TMEM38B: variants seen among roughly 807,000 people sequenced by gnomAD.
The protein encoded by TMEM38B is transmembrane protein 38B, also known as trimeric intracellular cation channel type B.
In TMEM38B, 24 loss-of-function variants were observed where a neutral mutation model predicts 28.7. The ratio of observed to expected loss-of-function variants is 0.84; its 90% confidence interval spans 0.61 to 1.18. The LOEUF (loss-of-function observed/expected upper bound fraction) is 1.18. Among genes scored for constraint, TMEM38B ranks in the 50% most tolerant of loss-of-function variants. The pLI, the probability that TMEM38B is intolerant of heterozygous loss-of-function variation, is 0.00. For missense variants in TMEM38B, 380 were observed against 350.9 expected (o/e 1.08, Z -0.66); for synonymous variants, 131 against 127.7 (o/e 1.03, Z -0.17).
At position 105,694,603 on chromosome 9, in the gene TMEM38B, C is replaced by A; in HGVS notation, c.-58C>A. On this transcript the variant is annotated 5_prime_UTR_variant, in exon 1 of 6. Coordinates refer to ENST00000374692, the MANE Select transcript of TMEM38B (RefSeq NM_018112.3). ...CTGTGCCCTCTCCTACTCCTCACCG[C>A]GCGAGCGCGGGGAACCAGTAGCCGC... 6.8e-7 allele frequency: 1 copy of A among 1,474,628 alleles called. No individual in the cohort carries two copies. The allele number at this position is 1,474,628 out of a possible 1,614,324, so 91.3% of individuals were successfully genotyped here.
At chr9:105,761,016 G>A (rs943079450) in intron 5 of TMEM38B, among the ~76,000 whole-genome samples, 43 of 152,124 alleles carry the variant, frequency 2.8e-4, no homozygotes, top group African/African-American at 9.9e-4. Flanking sequence ...CATGATATGT[G>A]CTAAAATTTT....
chr9:105,711,395 C>T (rs911707383), intron 2 of TMEM38B, among the ~76,000 whole-genome samples: 7 of 151,618 alleles, frequency 4.6e-5, no homozygotes, highest in Admixed American at 6.6e-5. Flanking sequence ...GAACCGAGAT[C>T]GTGCCACTGC....
chr9:105,773,886 A>G lies in TMEM38B; in HGVS notation c.682A>G (p.Thr228Ala), dbSNP rs773664462. Residue 228 changes from threonine to alanine, a missense_variant, in exon 6 of 6, where the codon ACT becomes GCT. Transcript: ENST00000374692. ...ATKITMMTTQTSTMTFAPFED... is the reference protein window; with the variant it reads ...ATKITMMTTQASTMTFAPFED... Reference sequence around the variant, plus strand: ...CCAGATAACCATGATGACTACACAGACTTCTACTATGACATTTGCTCCTTT... The same window carrying G: ...CCAGATAACCATGATGACTACACAGGCTTCTACTATGACATTTGCTCCTTT... 5 of 1,613,584 alleles carry G rather than the reference A, an allele frequency of 3.1e-6. No individual in the cohort carries two copies. In the South Asian group the frequency reaches 3.3e-5, roughly 11 times the overall value.
At chr9:105,741,600 C>G (rs755523732) in intron 4 of TMEM38B, among the ~76,000 whole-genome samples, 1 of 152,154 alleles carries the variant, frequency 6.6e-6, no homozygotes, top group Non-Finnish European at 1.5e-5. Context: ...CTTAGCTGCA[C>G]AATTGTTTGC....
chr9:105,750,434 G>A (rs1402997071), intron 5 of TMEM38B, among the ~76,000 whole-genome samples: 1 of 152,060 alleles, frequency 6.6e-6, no homozygotes, highest in Non-Finnish European at 1.5e-5. Context: ...GACCAGACTA[G>A]CCAACATGGT....
At chr9:105,710,301 C>T (rs978057679) in intron 2 of TMEM38B, 7 of 660,128 alleles carry the variant, frequency 1.1e-5, no homozygotes, top group South Asian at 1.6e-5. Flanking sequence ...CTGTCATTGT[C>T]GGAATGGCTT....
chr9:105,774,212 A>T lies in TMEM38B; in HGVS notation c.*132A>T. ...GAATGGAGGTGACAGAAAGAAAGAA[A>T]TTCTTTGTTTGAGGGAGACTTCCCC... On this transcript the variant is annotated 3_prime_UTR_variant, in exon 6 of 6. Coordinates refer to ENST00000374692, the MANE Select transcript of TMEM38B (RefSeq NM_018112.3). The T allele has an allele frequency of 1.3e-6, 1 of 749,474 alleles. No homozygotes were observed. The highest frequency in any genetic ancestry group is 2.1e-6 in the Non-Finnish European group (1 of 468,866). The allele number at this position is 749,474 out of a possible 1,614,324, so 46.4% of individuals were successfully genotyped here.
chr9:105,705,778 T>C (rs1258471293), intron 2 of TMEM38B, 25 bp downstream of exon 2: 1 of 1,596,454 alleles, frequency 6.3e-7, no homozygotes, highest in Admixed American at 1.7e-5. Context: ...TGGTGACCTA[T>C]GTGACATTTA....
At chr9:105,746,511 T>C (rs2133615179) in intron 4 of TMEM38B, among the ~76,000 whole-genome samples, 1 of 152,350 alleles carries the variant, frequency 6.6e-6, no homozygotes, top group Admixed American at 6.5e-5. Context: ...TATACAATCA[T>C]GTCATCTGCA....
At chr9:105,718,258 G>A (rs1414567489) in intron 2 of TMEM38B, among the ~76,000 whole-genome samples, 1 of 145,272 alleles carries the variant, frequency 6.9e-6, no homozygotes, top group African/African-American at 2.5e-5. Flanking sequence ...TTTTTTTTTA[G>A]ATGGGGTCTT....
chr9:105,771,592 G>T (rs1239531019), intron 5 of TMEM38B, among the ~76,000 whole-genome samples: 1 of 152,112 alleles, frequency 6.6e-6, no homozygotes, highest in Non-Finnish European at 1.5e-5. Context: ...TTTATTTGCA[G>T]TTCCTTAAGT....
chr9:105,758,664 A>C lies in TMEM38B; in HGVS notation c.660+10474A>C. The C allele has an allele frequency of 9.0e-6, 7 of 780,052 alleles. No individual in the cohort carries two copies. The South Asian group carries it at 1.0e-4, about 11-fold the overall frequency. The allele number at this position is 780,052 out of a possible 1,614,324, so 48.3% of individuals were successfully genotyped here. On this transcript the variant is annotated intron_variant, in intron 5 of 5. Transcript: ENST00000374692. ...ATTTCCTGCAACTTAGCCATTTAAA[A>C]CTCTGCCACGAAGACATCCAGAATT... is the stretch of plus-strand genomic sequence containing the variant.
intron 1 of TMEM38B, among the ~76,000 whole-genome samples, chr9:105,697,533 G>A (rs1373803224): frequency 2.0e-5 from 3 of 152,028 alleles, no homozygotes; most frequent in Non-Finnish European, 1.5e-5. Context: ...TGATGTGTTT[G>A]TGCCTCTTAT....
At chr9:105,759,286 T>C in intron 5 of TMEM38B, 1 of 765,394 alleles carries the variant, frequency 1.3e-6, no homozygotes, top group Non-Finnish European at 2.3e-6. Flanking sequence ...ATACATAGAA[T>C]CCAAGATGAT....
rs1427303345 is a variant in TMEM38B, at chr9:105,774,149, T to C, written c.*69T>C. 4 of 1,295,570 alleles carry C rather than the reference T, an allele frequency of 3.1e-6. No homozygotes were observed. Among genetic ancestry groups the C allele is most frequent in the Non-Finnish European group, 4.3e-6 (4 of 921,838 alleles). The allele number at this position is 1,295,570 out of a possible 1,614,324, so 80.3% of individuals were successfully genotyped here. On this transcript the variant is annotated 3_prime_UTR_variant, in exon 6 of 6. Transcript: ENST00000374692. Reference sequence around the variant, plus strand: ...TCTACCTGTTATATTGTGCTAATTTTTCTATGTATGTGATGTGAAATGAAG... The same window carrying C: ...TCTACCTGTTATATTGTGCTAATTTCTCTATGTATGTGATGTGAAATGAAG...
chr9:105,775,732 G>A lies in TMEM38B; in HGVS notation c.*1652G>A, dbSNP rs372377112. 18 of 151,978 alleles carry A rather than the reference G, an allele frequency of 1.2e-4. No homozygotes were observed. Among genetic ancestry groups the A allele is most frequent in the African/African-American group, 4.3e-4 (18 of 41,506 alleles). 9.4% of individuals were successfully genotyped at this position (151,978 alleles called of 1,614,324 possible). On this transcript the variant is annotated 3_prime_UTR_variant, in exon 6 of 6. Coordinates refer to ENST00000374692, the MANE Select transcript of TMEM38B (RefSeq NM_018112.3). ...AATTATTGACCAGTTTTGAAGTTTG[G>A]GTTTAACTGTAGTTGAAATGGAAGG... is the stretch of plus-strand genomic sequence containing the variant.
chr9:105,738,715 C>CT (rs71489351), intron 4 of TMEM38B, among the ~76,000 whole-genome samples: 2,061 of 109,614 alleles, frequency 0.019, 49 homozygotes, highest in South Asian at 0.045. Context: ...TAATTTTTTC[C>CT]TTTTTTTTTT....
In TMEM38B at chr9:105,722,743, A is replaced by G. The variant is rs1188573870; in HGVS notation, c.542+122A>G. 20 of 697,002 alleles carry G rather than the reference A, an allele frequency of 2.9e-5. No individual in the cohort carries two copies. In the South Asian group the frequency reaches 3.9e-4, roughly 14 times the overall value. 43.2% of individuals were successfully genotyped at this position (697,002 alleles called of 1,614,324 possible). The stretch of plus-strand genomic sequence containing the variant: ...GAATATAGCTGAAAATATAAATAGT[A>G]ATGATAATGGGAAGAGAACTAGCAA... On this transcript the variant is annotated intron_variant, in intron 4 of 5. Transcript: ENST00000374692.
At chr9:105,758,582 A>C in intron 5 of TMEM38B, 1 of 1,048,904 alleles carries the variant, frequency 9.5e-7, no homozygotes, top group South Asian at 1.3e-5. Flanking sequence ...ATGTAATTGA[A>C]GATATCAAAG....
Sources: gnomAD v4.1 joint callset for allele counts (sites outside exome capture counted in the v4.1 genomes callset) on GRCh38, gnomAD v4.1.1 for gene constraint, MANE v1.5 for transcripts, NCBI Gene and HGNC (gene_info 2026-07-23, HGNC 2026-07-21) for gene names.